Variants in PRRT4 observed in about 807,000 individuals in gnomAD.
PRRT4 encodes the protein proline rich transmembrane protein 4, also known as proline-rich transmembrane protein 4.
Under a neutral mutation model 55.6 loss-of-function variants are expected in PRRT4, and 59 were observed. The observed-to-expected ratio is 1.06, with a 90% confidence interval of 0.86 to 1.32. The LOEUF (loss-of-function observed/expected upper bound fraction) is 1.32, where lower values mean the gene tolerates loss of function less well. PRRT4 is among the 40% of genes most tolerant of loss of function. PRRT4 has a pLI of 0.00. For missense variants in PRRT4, 1,217 were observed against 1,222.0 expected, an observed-to-expected ratio of 1.00 and a Z score of 0.06; for synonymous variants, 606 against 601.8, an observed-to-expected ratio of 1.01 and a Z score of -0.10.
exon 2 of PRRT4, chr7:128,359,521 A>G (rs1411755093): frequency 2.0e-6 from 3 of 1,476,144 alleles, no homozygotes; most frequent in Non-Finnish European, 2.7e-6. Context: ...CCATCAGAGC[A>G]GTGTCCCAGG....
rs1004889437 is a variant in PRRT4, at chr7:128,359,409, G to A, written c.583C>T (p.Arg195Ter). The change falls in exon 2 of 5, where the codon CGA becomes TGA. Residue 195 changes from arginine (R) to a stop codon, truncating the protein, a stop_gained. Coordinates refer to ENST00000535159, the Ensembl canonical transcript of PRRT4. LOFTEE classifies it high-confidence loss of function. ...AGGCTGGGCAGCAGGGGCAGCGTTCGATGCCCAAGCGTGGGGGCTGCACCT... is the reference window on the plus strand; with the variant it reads ...AGGCTGGGCAGCAGGGGCAGCGTTCAATGCCCAAGCGTGGGGGCTGCACCT... The A allele has an allele frequency of 7.5e-6, 11 of 1,465,728 alleles. No individual in the cohort carries two copies. Among genetic ancestry groups the A allele is most frequent in the African/African-American group, 7.1e-5 (5 of 69,982 alleles). The allele number at this position is 1,465,728 out of a possible 1,614,324, so 90.8% of individuals were successfully genotyped here. A position where few individuals can be genotyped will look rare whatever the true frequency, so the allele number is the denominator to read the frequency against.
exon 5 of PRRT4, chr7:128,352,302 G>T: frequency 1.3e-6 from 2 of 1,543,116 alleles, no homozygotes; most frequent in Non-Finnish European, 8.7e-7. Flanking sequence ...AGGCGTCGTA[G>T]AAGAGCGGGA....
At chr7:128,357,631 C>A (rs570300871) in intron 4 of PRRT4, among the ~76,000 whole-genome samples, 1 of 152,332 alleles carries the variant, frequency 6.6e-6, no homozygotes, top group East Asian at 1.9e-4. Context: ...TGGAGTGAGC[C>A]AGAGAACCAG....
At chr7:128,359,582 C>T in exon 2 of PRRT4, 1 of 1,505,042 alleles carries the variant, frequency 6.6e-7, no homozygotes, top group Non-Finnish European at 8.9e-7. Context: ...ATCGCTGGGC[C>T]CAGAGCGCCG....
At chr7:128,351,335 G>T (rs756600889) in exon 5 of PRRT4, 1 of 1,546,770 alleles carries the variant, frequency 6.5e-7, no homozygotes, top group Non-Finnish European at 8.7e-7. Context: ...GGCGCAAGCA[G>T]GGCCTCGCTG....
In PRRT4 at chr7:128,358,208, G is replaced by A. The variant is rs916037480; in HGVS notation, c.877+473C>T. On this transcript the variant is annotated intron_variant, in intron 4 of 4. Transcript: ENST00000535159. The surrounding 1 kb of genome is among the most constrained non-coding windows in gnomAD (Gnocchi z 4.4). ...CATGTTCTGAAAGGCTTTCTTGAAC[G>A]AAGGTGGCATCTGCCTGCTCAAGGT... is the stretch of plus-strand genomic sequence containing the variant. 2.2e-4 allele frequency among the ~76,000 whole-genome samples: 33 copies of A among 152,186 alleles called. No homozygotes were observed. The highest frequency in any genetic ancestry group is 9.2e-4 in the Admixed American group (14 of 15,280).
chr7:128,356,190 T>A (rs975131870), intron 4 of PRRT4, among the ~76,000 whole-genome samples: 2 of 152,012 alleles, frequency 1.3e-5, no homozygotes, highest in Non-Finnish European at 2.9e-5. Flanking sequence ...ACCCGGAGGA[T>A]GCAGTGAGCT....
exon 5 of PRRT4, chr7:128,352,585 C>T: frequency 6.5e-7 from 1 of 1,544,284 alleles, no homozygotes. Flanking sequence ...TCCCACGCTG[C>T]AGGACCCTGG....
exon 5 of PRRT4, chr7:128,351,678 A>G (rs1399714508): frequency 6.6e-7 from 1 of 1,511,134 alleles, no homozygotes. Flanking sequence ...GCACGCGAGG[A>G]CTGCAGAGCG....
chr7:128,350,740 G>T, downstream of PRRT4: 1 of 1,456,116 alleles, frequency 6.9e-7, no homozygotes, highest in Non-Finnish European at 9.1e-7. Flanking sequence ...GATGGGGAAG[G>T]AATCTGGAGA....
exon 5 of PRRT4, chr7:128,352,562 G>T: frequency 6.5e-7 from 1 of 1,544,724 alleles, no homozygotes. Flanking sequence ...TGCCCCTCGC[G>T]TTCAGGCAAT....
In PRRT4 at chr7:128,359,565, TG is replaced by T. The variant is rs1311960112; in HGVS notation, c.426del (p.Thr143LeufsTer11). 10 of 1,495,292 alleles carry T rather than the reference TG, an allele frequency of 6.7e-6. No individual in the cohort carries two copies. The highest frequency in any genetic ancestry group is 8.9e-6 in the Non-Finnish European group (10 of 1,121,078). 92.6% of individuals were successfully genotyped at this position (1,495,292 alleles called of 1,614,324 possible). A position where few individuals can be genotyped will look rare whatever the true frequency, so the allele number is the denominator to read the frequency against. ...CTCCTCCTGGGCTGATAGGGGGCAG[TG>T]GGCCCATCGCTGGGCCCAGAGCGCC... On this transcript the variant is annotated frameshift_variant, in exon 2 of 5. Coordinates refer to ENST00000535159, the Ensembl canonical transcript of PRRT4. LOFTEE classifies it high-confidence loss of function.
downstream of PRRT4, chr7:128,350,485 G>C (rs1584675442): frequency 7.1e-4 from 2 of 2,826 alleles, no homozygotes; most frequent in Non-Finnish European, 6.1e-3. Context: ...GAGGTGGGTA[G>C]GGGGGCCTGA....
chr7:128,352,767 C>G (rs752992579), intron 4 of PRRT4, 89 bp from the exon 6 acceptor site: 130 of 1,256,510 alleles, frequency 1.0e-4, no homozygotes, highest in Middle Eastern at 8.3e-4. Context: ...CAGTCAGAGT[C>G]CCCTACCGTA....
At chr7:128,361,140 C>CAT (rs56845112) in intron 1 of PRRT4, among the ~76,000 whole-genome samples, 166 bp downstream of exon 2, 13 of 148,626 alleles carry the variant, frequency 8.7e-5, no homozygotes, top group African/African-American at 3.2e-4. Context: ...CACACACACA[C>CAT]GGCATGTACT....
At position 128,355,418 on chromosome 7, in the gene PRRT4, G is replaced by C. The variant is rs549881008; in HGVS notation, c.878-2740C>G. On this transcript the variant is annotated intron_variant, in intron 4 of 4. Coordinates refer to ENST00000535159, the Ensembl canonical transcript of PRRT4. ...TCACCATATTGGCCAGGCTGGTCTC[G>C]AACTCCTGACCTTGTGATCCACCTG... Among the ~76,000 whole-genome samples the C allele has an allele frequency of 9.9e-5, 15 of 152,170 alleles. No homozygotes were observed. The East Asian group carries it at 2.9e-3, about 29-fold the overall frequency.
intron 4 of PRRT4, among the ~76,000 whole-genome samples, chr7:128,353,746 T>A (rs1305086488): frequency 6.6e-6 from 1 of 152,172 alleles, no homozygotes; most frequent in Non-Finnish European, 1.5e-5. Context: ...GAGAAACTCT[T>A]GGGGACATCA....
At chr7:128,360,520 G>C (rs568238355) in intron 1 of PRRT4, among the ~76,000 whole-genome samples, 8 of 152,224 alleles carry the variant, frequency 5.3e-5, no homozygotes, top group Admixed American at 2.0e-4. Flanking sequence ...CCAGCCAGAA[G>C]TGCTGGCGCC....
Position 128,358,591 on chromosome 7 carries a change from A to C in PRRT4, c.877+90T>G. On this transcript the variant is annotated intron_variant, in intron 4 of 4. Transcript: ENST00000535159. The surrounding 1 kb of genome is among the most constrained non-coding windows in gnomAD (Gnocchi z 4.4). ...ATGATTATGATTATGATGACAATGA[A>C]ATAAAAGGGTCCCAGAACACTGATG... 1 of 1,119,800 alleles carries C rather than the reference A, an allele frequency of 8.9e-7. No homozygotes were observed. The highest frequency in any genetic ancestry group is 1.3e-6 in the Non-Finnish European group (1 of 766,494). The allele number at this position is 1,119,800 out of a possible 1,614,324, so 69.4% of individuals were successfully genotyped here. A position where few individuals can be genotyped will look rare whatever the true frequency, so the allele number is the denominator to read the frequency against.
Sources: allele counts gnomAD v4.1 joint callset (sites outside exome capture counted in the v4.1 genomes callset), GRCh38; gene constraint gnomAD v4.1.1; non-coding constraint Gnocchi (gnomAD v3.1); transcripts MANE v1.5; gene names NCBI Gene and HGNC (gene_info 2026-07-23, HGNC 2026-07-21).